PTPRE: variants seen among roughly 807,000 people sequenced by gnomAD.
The protein encoded by PTPRE is protein tyrosine phosphatase receptor type E.
In PTPRE, 51 loss-of-function variants were observed where a neutral mutation model predicts 102.0. The ratio of observed to expected loss-of-function variants is 0.50; its 90% confidence interval spans 0.40 to 0.63. The LOEUF is 0.63. PTPRE is among the 30% of genes least tolerant of loss of function. The pLI, the probability that PTPRE is intolerant of heterozygous loss-of-function variation, is 0.00. For synonymous variants in PTPRE, 345 were observed against 348.2 expected (o/e 0.99, Z 0.10); for missense variants, 752 against 915.1 (o/e 0.82, Z 2.30).
intron 1 of PTPRE, among the ~76,000 whole-genome samples, chr10:127,956,063 G>A (rs768608898): frequency 2.0e-5 from 3 of 152,076 alleles, no homozygotes; most frequent in Non-Finnish European, 4.4e-5. Context: ...ATGTGTTTTT[G>A]GTTGTACGCA....
At chr10:128,050,330 C>G (rs892070008) in intron 6 of PTPRE, among the ~76,000 whole-genome samples, 1 of 94,574 alleles carries the variant, frequency 1.1e-5, no homozygotes. Context: ...AGTGGGAGGG[C>G]GGATGGATGG....
intron 2 of PTPRE, among the ~76,000 whole-genome samples, chr10:127,992,214 T>C (rs1852742726): frequency 6.6e-6 from 1 of 151,940 alleles, no homozygotes; most frequent in South Asian, 2.1e-4. Context: ...GAAAACAACA[T>C]GACCAGAAAA....
At chr10:127,982,415 G>C (rs1851707282) in intron 2 of PTPRE, 119 bp downstream of exon 2, 5 of 692,228 alleles carry the variant, frequency 7.2e-6, no homozygotes, top group Non-Finnish European at 1.0e-5. Flanking sequence ...CATATGGTCA[G>C]TGTGTTATAT....
intron 1 of PTPRE, among the ~76,000 whole-genome samples, chr10:127,973,370 A>G (rs1165436760): frequency 2.0e-5 from 3 of 152,172 alleles, no homozygotes; most frequent in Non-Finnish European, 4.4e-5. Flanking sequence ...CTTCAAGACA[A>G]TATAACAGAT....
intron 1 of PTPRE, among the ~76,000 whole-genome samples, chr10:127,966,551 T>G (rs2135408255): frequency 6.6e-6 from 1 of 152,330 alleles, no homozygotes; most frequent in South Asian, 2.1e-4. Flanking sequence ...AGCCACCTAC[T>G]TAGCCAGGGA....
At chr10:128,040,585 A>G (rs1847600519) in intron 2 of PTPRE, among the ~76,000 whole-genome samples, 1 of 151,996 alleles carries the variant, frequency 6.6e-6, no homozygotes. Flanking sequence ...GGGGTCTGGG[A>G]TGAGATCACC....
At chr10:127,953,538 A>C (rs574480135) in intron 1 of PTPRE, among the ~76,000 whole-genome samples, 18 of 152,356 alleles carry the variant, frequency 1.2e-4, no homozygotes, top group Admixed American at 9.8e-4. Context: ...CTATGATAAA[A>C]TGGAAGCGGT....
At chr10:128,039,011 A>G (rs924398912) in intron 2 of PTPRE, among the ~76,000 whole-genome samples, 1 of 152,176 alleles carries the variant, frequency 6.6e-6, no homozygotes, top group African/African-American at 2.4e-5. Context: ...TAGATCACTG[A>G]GCATTTGGAG....
intron 10 of PTPRE, 71 bp from the exon 11 acceptor site, chr10:128,066,004 G>A: frequency 1.2e-6 from 2 of 1,609,182 alleles, no homozygotes; most frequent in Non-Finnish European, 1.7e-6. Context: ...GCCTTCTGTA[G>A]TTGGGTGGGG....
chr10:127,974,310 G>A (rs1342184534), intron 1 of PTPRE, among the ~76,000 whole-genome samples: 2 of 152,162 alleles, frequency 1.3e-5, no homozygotes, highest in Non-Finnish European at 2.9e-5. Flanking sequence ...AAGAAACTTA[G>A]GCTTAAAACT....
chr10:127,931,696 A>G (rs2135239679), intron 1 of PTPRE, among the ~76,000 whole-genome samples: 1 of 152,344 alleles, frequency 6.6e-6, no homozygotes, highest in Middle Eastern at 3.4e-3. Flanking sequence ...GTGAACTAAC[A>G]TATTCCAGAA....
chr10:127,927,844 C>T (rs1189953917), intron 1 of PTPRE, among the ~76,000 whole-genome samples: 1 of 152,116 alleles, frequency 6.6e-6, no homozygotes, highest in Non-Finnish European at 1.5e-5. Context: ...ATACTAATAC[C>T]TATTTACCTG....
intron 2 of PTPRE, among the ~76,000 whole-genome samples, chr10:128,011,824 CGGT>C (rs1845040197): frequency 6.6e-6 from 1 of 152,210 alleles, no homozygotes. Flanking sequence ...AGTTCACAGG[CGGT>C]GGCCTAAACA....
At chr10:128,038,428 T>C (rs904933691) in intron 2 of PTPRE, among the ~76,000 whole-genome samples, 2 of 151,722 alleles carry the variant, frequency 1.3e-5, no homozygotes, top group African/African-American at 2.4e-5. Context: ...CAATGAGAGA[T>C]TGGATTAAGA....
intron 1 of PTPRE, among the ~76,000 whole-genome samples, chr10:127,910,987 TGA>T (rs1439408897): frequency 6.6e-6 from 1 of 151,788 alleles, no homozygotes; most frequent in Non-Finnish European, 1.5e-5. Context: ...GAGGCTGAGG[TGA>T]GAGAAACATC....
intron 1 of PTPRE, among the ~76,000 whole-genome samples, chr10:127,927,896 A>C (rs1232745365): frequency 6.6e-6 from 1 of 152,206 alleles, no homozygotes; most frequent in Non-Finnish European, 1.5e-5. Context: ...ATTATTGTAC[A>C]GTATTGTTGA....
At chr10:127,924,131 GA>G (rs942593515) in intron 1 of PTPRE, among the ~76,000 whole-genome samples, 3 of 152,212 alleles carry the variant, frequency 2.0e-5, no homozygotes, top group African/African-American at 7.2e-5. Context: ...CTTTTTTGTA[GA>G]GAAAGAGTTT....
rs140310986 is a variant in PTPRE at position 128,081,854 on chromosome 10, C to T, written c.2029-978C>T. Among the ~76,000 whole-genome samples, 4 of 152,342 alleles carry T rather than the reference C, an allele frequency of 2.6e-5. No homozygotes were observed. The East Asian group carries it at 7.7e-4, about 29-fold the overall frequency. On this transcript the variant is annotated intron_variant, in intron 20 of 20. Coordinates refer to ENST00000254667, the MANE Select transcript of PTPRE (RefSeq NM_006504.6). ...TTCCCATCCTGGCCAGACCGGGACT[C>T]AGGAAGGGCTAAGCTAGCTGTTTGG... is the stretch of plus-strand genomic sequence containing the variant.
chr10:127,965,095 T>G (rs1850144281), intron 1 of PTPRE: 3 of 448,288 alleles, frequency 6.7e-6, no homozygotes, highest in African/African-American at 2.0e-5. Context: ...TCCAATTCCT[T>G]AATAAGTACA....
Sources: gnomAD v4.1 joint callset for allele counts (sites outside exome capture counted in the v4.1 genomes callset) on GRCh38, gnomAD v4.1.1 for gene constraint, MANE v1.5 for transcripts, NCBI Gene and HGNC (gene_info 2026-07-23, HGNC 2026-07-21) for gene names.